PDE4D: variants seen among roughly 807,000 people sequenced by gnomAD.
The protein encoded by PDE4D is phosphodiesterase 4D.
A neutral mutation model predicts 87.4 loss-of-function variants in PDE4D; 24 were observed. That is an observed-to-expected ratio of 0.27 (90% CI 0.20 to 0.39). The LOEUF is 0.39. PDE4D is among the 10% of genes least tolerant of loss of function. PDE4D has a pLI of 1.00. For missense variants in PDE4D, 714 were observed against 1,041.0 expected (o/e 0.69, Z 4.32); for synonymous variants, 384 against 383.2 (o/e 1.00, Z -0.02).
intron 1 of PDE4D, among the ~76,000 whole-genome samples, chr5:59,454,775 C>T (rs140100769): frequency 0.016 from 2,474 of 152,226 alleles, 73 homozygotes; most frequent in African/African-American, 0.055. Flanking sequence ...AAAATGCTGA[C>T]AGTGATATGA....
chr5:60,236,465 T>C (rs927733409), intron 1 of PDE4D, among the ~76,000 whole-genome samples: 3 of 151,838 alleles, frequency 2.0e-5, no homozygotes, highest in African/African-American at 7.2e-5. Context: ...AGAAGACATA[T>C]GGATGGCAAA....
At chr5:59,381,193 G>A (rs1785756991) in intron 1 of PDE4D, among the ~76,000 whole-genome samples, 2 of 152,084 alleles carry the variant, frequency 1.3e-5, no homozygotes, top group South Asian at 2.1e-4. Context: ...TTGTGGTCCA[G>A]GTACAAACTT....
intron 2 of PDE4D, among the ~76,000 whole-genome samples, chr5:60,030,375 G>A (rs1276311208): frequency 2.6e-5 from 4 of 152,100 alleles, no homozygotes; most frequent in Non-Finnish European, 4.4e-5. Flanking sequence ...GCGTGAACCC[G>A]GGAAGCGGAG....
At chr5:59,032,685 A>G (rs553370205) in intron 6 of PDE4D, among the ~76,000 whole-genome samples, 9 of 152,248 alleles carry the variant, frequency 5.9e-5, no homozygotes, top group Non-Finnish European at 1.2e-4. Flanking sequence ...TGCAAGAAAT[A>G]TGTGACACAG....
intron 1 of PDE4D, among the ~76,000 whole-genome samples, chr5:60,248,554 C>G (rs1748055254): frequency 6.6e-6 from 1 of 152,060 alleles, no homozygotes; most frequent in African/African-American, 2.4e-5. Flanking sequence ...TAGGAGATGA[C>G]TGCTTTCATG....
chr5:59,598,950 C>T lies in PDE4D; in HGVS notation c.455+294218G>A, dbSNP rs577001087. ...AAATAAAAATCCTAACTTTCCCATT[C>T]CCCCCAGTGACCTGCTGTTTTCCAC... is the stretch of plus-strand genomic sequence containing the variant. On this transcript the variant is annotated intron_variant, in intron 1 of 14. Transcript: ENST00000340635. 7.9e-5 allele frequency among the ~76,000 whole-genome samples: 12 copies of T among 152,074 alleles called. 1 individual carries two copies. Among genetic ancestry groups the T allele is most frequent in the African/African-American group, 2.9e-4 (12 of 41,466 alleles).
chr5:59,470,102 CACACAGAGTTTTAAGAATCACATGCTAG>C (rs1313008165), intron 1 of PDE4D, among the ~76,000 whole-genome samples: 1 of 152,072 alleles, frequency 6.6e-6, no homozygotes, highest in Non-Finnish European at 1.5e-5. Flanking sequence ...CACCAGTCTG[CACACAGAGTTTTAAGAATCACATGCTAG>C]AAGGTGTGGG....
chr5:59,707,371 G>A (rs1355715204), intron 1 of PDE4D, among the ~76,000 whole-genome samples: 1 of 152,136 alleles, frequency 6.6e-6, no homozygotes, highest in South Asian at 2.1e-4. Context: ...CCTTTATGGA[G>A]CTCTCAGTCT....
At chr5:59,603,957 A>G (rs188860075) in intron 1 of PDE4D, among the ~76,000 whole-genome samples, 16 of 152,156 alleles carry the variant, frequency 1.1e-4, no homozygotes, top group Non-Finnish European at 1.6e-4. Context: ...TTAATTTTCT[A>G]GATTTAGTCA....
intron 1 of PDE4D, among the ~76,000 whole-genome samples, chr5:59,225,690 AAC>A (rs1253005245): frequency 2.6e-5 from 4 of 152,132 alleles, no homozygotes; most frequent in African/African-American, 9.7e-5. Flanking sequence ...CAAGGGAGAA[AAC>A]ACAGTGAAAA....
At chr5:60,275,387 A>G (rs1401091521) in intron 1 of PDE4D, among the ~76,000 whole-genome samples, 1 of 152,128 alleles carries the variant, frequency 6.6e-6, no homozygotes, top group Non-Finnish European at 1.5e-5. Flanking sequence ...AATTTTGATT[A>G]ATCAAAAGAG....
rs942883108 is a variant in PDE4D, at chr5:60,392,102, GAA to G, written c.-90+95838_-90+95839del. On this transcript the variant is annotated intron_variant, in intron 1 of 16. Coordinates refer to the PDE4D transcript ENST00000502484. ...GGACTATTATAAAATGAATTGTGGA[GAA>G]ATCTTTTTATAGAACTTTCATACTT... 1.4e-4 allele frequency among the ~76,000 whole-genome samples: 22 copies of G among 152,154 alleles called. No individual in the cohort carries two copies. In the East Asian group the frequency reaches 3.8e-3, roughly 27 times the overall value.
intron 1 of PDE4D, among the ~76,000 whole-genome samples, chr5:59,678,686 A>G (rs1370361552): frequency 6.6e-6 from 1 of 152,062 alleles, no homozygotes; most frequent in African/African-American, 2.4e-5. Flanking sequence ...GCTGGTCTTA[A>G]ATTTCTGACC....
intron 1 of PDE4D, among the ~76,000 whole-genome samples, chr5:59,518,909 CA>C (rs1811676427): frequency 6.6e-6 from 1 of 152,190 alleles, no homozygotes; most frequent in South Asian, 2.1e-4. Flanking sequence ...ATAAACAGAA[CA>C]ACCTTATTAG....
At chr5:59,942,903 C>A (rs1466774194) in intron 3 of PDE4D, among the ~76,000 whole-genome samples, 1 of 151,698 alleles carries the variant, frequency 6.6e-6, no homozygotes, top group Non-Finnish European at 1.5e-5. Context: ...TGTCTAGAGA[C>A]AACTTTGATT....
intron 1 of PDE4D, among the ~76,000 whole-genome samples, chr5:59,309,852 C>T (rs1158296106): frequency 6.6e-6 from 1 of 152,076 alleles, no homozygotes; most frequent in Non-Finnish European, 1.5e-5. Flanking sequence ...TGTATCCTGC[C>T]CAAACCCGCT....
chr5:59,080,498 G>T (rs1281387399), intron 5 of PDE4D, among the ~76,000 whole-genome samples: 2 of 152,122 alleles, frequency 1.3e-5, no homozygotes, highest in African/African-American at 4.8e-5. Flanking sequence ...CTCACCAGAT[G>T]GTGAAGAAGT....
chr5:60,096,719 T>C lies in PDE4D; in HGVS notation c.42+88838A>G, dbSNP rs150354778. Among the ~76,000 whole-genome samples, 675 of 152,188 alleles carry C rather than the reference T, an allele frequency of 4.4e-3. 17 individuals carry two copies. The highest frequency in any genetic ancestry group is 0.041 in the Admixed American group (626 of 15,260). ...TATAGTTTTGATGAGACTAGAAATATCCTGGTTTAAGGCTGAAACCCTGAA... is the reference window on the plus strand; with the variant it reads ...TATAGTTTTGATGAGACTAGAAATACCCTGGTTTAAGGCTGAAACCCTGAA... On this transcript the variant is annotated intron_variant, in intron 2 of 16. Transcript: ENST00000502484.
chr5:59,276,052 A>C (rs1196682856), intron 1 of PDE4D: 2 of 984,628 alleles, frequency 2.0e-6, no homozygotes, highest in East Asian at 2.3e-4. Flanking sequence ...CACCAGGCAG[A>C]AACTATTCCT....
Sources: gnomAD v4.1 joint callset for allele counts (sites outside exome capture counted in the v4.1 genomes callset) on GRCh38, gnomAD v4.1.1 for gene constraint, MANE v1.5 for transcripts, NCBI Gene and HGNC (gene_info 2026-07-23, HGNC 2026-07-21) for gene names.